Variants in MAPK11 observed in about 807,000 individuals in gnomAD.
MAPK11 encodes MAP kinase 11.
In MAPK11, 44 loss-of-function variants were observed where a neutral mutation model predicts 52.2. The ratio of observed to expected loss-of-function variants is 0.84; its 90% CI spans 0.66 to 1.08. The LOEUF (loss-of-function observed/expected upper bound fraction) is 1.08, where lower values mean the gene tolerates loss of function less well. Ranked by LOEUF, MAPK11 falls within the 50% of genes least tolerant of loss-of-function variation. MAPK11 has a pLI of 0.00. For synonymous variants in MAPK11, 233 were observed against 206.3 expected (o/e 1.13, Z -1.11); for missense variants, 436 against 494.7 (o/e 0.88, Z 1.13).
chr22:50,268,221 C>A (rs1258255824), intron 1 of MAPK11, among the ~76,000 whole-genome samples: 1 of 152,244 alleles, frequency 6.6e-6, no homozygotes, highest in Admixed American at 6.5e-5. Context: ...CTGATTCCCA[C>A]GCTCAACCAG....
At chr22:50,269,826 G>T (rs1198964170) in intron 1 of MAPK11, among the ~76,000 whole-genome samples, 1 of 152,206 alleles carries the variant, frequency 6.6e-6, no homozygotes, top group Non-Finnish European at 1.5e-5. Context: ...TGAATCTCAG[G>T]TGGGTGCTCA....
intron 2 of MAPK11, 46 bp downstream of exon 2, chr22:50,267,774 C>A: frequency 4.0e-6 from 6 of 1,488,126 alleles, no homozygotes; most frequent in Non-Finnish European, 4.5e-6. Flanking sequence ...GCGCCGCGGC[C>A]CCGCCCCCGC....
chr22:50,268,251 G>C (rs1196658236), intron 1 of MAPK11, among the ~76,000 whole-genome samples: 1 of 152,222 alleles, frequency 6.6e-6, no homozygotes, highest in Non-Finnish European at 1.5e-5. Flanking sequence ...TTCAAAGCAA[G>C]GCTGGGGGAG....
In MAPK11 at chr22:50,267,883, C is replaced by G; in HGVS notation, c.183G>C (p.Ser61=). 6.3e-7 allele frequency: 1 copy of G among 1,589,878 alleles called. No individual in the cohort carries two copies. Residue 61 remains serine, a synonymous_variant, in exon 2 of 12, where the codon TCG becomes TCC. Coordinates refer to ENST00000330651, the MANE Select transcript of MAPK11 (RefSeq NM_002751.7). ...GGTACGTTCTGCGCGCGTGGATCAG[C>G]GACTGGAAGGGGCGCGACAGCTTCT... ...AVKKLSRPFQ[S]LIHARRTYRE... is the part of the protein sequence containing the mutation.
chr22:50,265,619 C>T lies in MAPK11; in HGVS notation c.804G>A (p.Lys268=). Reference sequence around the variant, plus strand: ...CTCCACGGAAGATGCTGCTCAGGTCCTTCTGGGGCATGGGGGGCAGGGACT... The same window carrying T: ...CTCCACGGAAGATGCTGCTCAGGTCTTTCTGGGGCATGGGGGGCAGGGACT... The part of the protein sequence containing the change: ...YIQSLPPMPQ[K]DLSSIFRGAN... Residue 268 remains lysine (K), a synonymous_variant, in exon 10 of 12, where the codon AAG becomes AAA. Transcript: ENST00000330651. The T allele has an allele frequency of 6.2e-7, 1 of 1,607,412 alleles. No homozygotes were observed. Among genetic ancestry groups the T allele is most frequent in the East Asian group, 2.2e-5 (1 of 44,806 alleles).
Position 50,270,230 on chromosome 22 carries a change from C to G in MAPK11, c.63G>C (p.Pro21=), listed in dbSNP as rs768976781. ...CCGGGCGCAGCCCCTGCAGCCGCTG[C>G]GGCACCTCCCACACGGTCTTGTTCA... ...QELNKTVWEV[P]QRLQGLRPVG... Residue 21 remains proline, a synonymous_variant, in exon 1 of 12, where the codon CCG becomes CCC. Coordinates refer to ENST00000330651, the MANE Select transcript of MAPK11 (RefSeq NM_002751.7). The surrounding 1 kb of genome is among the most constrained non-coding windows in gnomAD (Gnocchi z 6.3). The G allele has an allele frequency of 1.2e-4, 183 of 1,507,828 alleles. No homozygotes were observed. The highest frequency in any genetic ancestry group is 1.5e-4 in the Non-Finnish European group (175 of 1,134,110). The allele number at this position is 1,507,828 out of a possible 1,614,324, so 93.4% of individuals were successfully genotyped here.
At position 50,270,105 on chromosome 22, in the gene MAPK11, G is replaced by C; in HGVS notation, c.116+72C>G. The stretch of plus-strand genomic sequence containing the variant: ...CCCCTCCCCACGCCGAGAACCTCGC[G>C]CGGGCGAGGAGGGGACGCGCTCTCC... On this transcript the variant is annotated intron_variant, in intron 1 of 11. Transcript: ENST00000330651. This position sits in a 1 kb window ranked among gnomAD's most constrained non-coding sequence, Gnocchi z 6.3. The C allele has an allele frequency of 1.4e-6, 1 of 732,566 alleles. No homozygotes were observed. Among genetic ancestry groups the C allele is most frequent in the South Asian group, 3.3e-5 (1 of 30,492 alleles). The allele number at this position is 732,566 out of a possible 1,614,324, so 45.4% of individuals were successfully genotyped here. A position where few individuals can be genotyped will look rare whatever the true frequency, so the allele number is the denominator to read the frequency against.
intron 9 of MAPK11, 26 bp downstream of exon 9, chr22:50,266,200 C>G: frequency 6.4e-7 from 1 of 1,551,778 alleles, no homozygotes; most frequent in Non-Finnish European, 8.7e-7. Context: ...GGAGAGGGAG[C>G]TGCTGGCTGG....
rs989404651 is a variant in MAPK11, at chr22:50,266,364, C to T, written c.683-59G>A. ...ACAGACCCCTCCTGGGCCCCCAGAC[C>T]CAAAACTTTGGGGCGCTGCCCAGAG... On this transcript the variant is annotated intron_variant, in intron 8 of 11. Coordinates refer to ENST00000330651, the MANE Select transcript of MAPK11 (RefSeq NM_002751.7). 19 of 1,534,878 alleles carry T rather than the reference C, an allele frequency of 1.2e-5. No homozygotes were observed. The Admixed American group carries it at 3.5e-4, about 28-fold the overall frequency.
intron 9 of MAPK11, among the ~76,000 whole-genome samples, chr22:50,265,871 C>T (rs1361890730): frequency 7.0e-6 from 1 of 143,156 alleles, no homozygotes; most frequent in Non-Finnish European, 1.5e-5. Flanking sequence ...TCCAAGTACA[C>T]TCCCTCCACC....
At position 50,265,631 on chromosome 22, in the gene MAPK11, G is replaced by A; in HGVS notation, c.792C>T (p.Pro264=). The A allele has an allele frequency of 1.2e-6, 2 of 1,600,294 alleles. No homozygotes were observed. Among genetic ancestry groups the A allele is most frequent in the South Asian group, 1.1e-5 (1 of 89,194 alleles). The change falls in exon 10 of 12, where the codon CCC becomes CCT. Residue 264 remains proline (P), a synonymous_variant. Transcript: ENST00000330651. The stretch of plus-strand genomic sequence containing the variant: ...TGCTGCTCAGGTCCTTCTGGGGCAT[G>A]GGGGGCAGGGACTGGATATATGTCC... ...HARTYIQSLP[P]MPQKDLSSIF...
rs201572582 is a variant in MAPK11 at position 50,267,004 on chromosome 22, G to A, written c.540C>T (p.Thr180=). 3.7e-5 allele frequency: 59 copies of A among 1,612,540 alleles called. No individual in the cohort carries two copies. Among genetic ancestry groups the A allele is most frequent in the East Asian group, 1.1e-4 (5 of 44,894 alleles). Residue 180 remains threonine, a synonymous_variant, in exon 7 of 12, where the codon ACC becomes ACT. Transcript: ENST00000330651. ...GLARQADEEM[T]GYVATRWYRA... is the part of the protein sequence containing the mutation. The stretch of plus-strand genomic sequence containing the variant: ...GGTACCAGCGCGTGGCCACATAGCC[G>A]GTCATCTCCTCGTCCGCCTGGCGCG...
Position 50,267,551 on chromosome 22 carries a change from G to A in MAPK11, c.305+18C>T. 1.9e-6 allele frequency: 3 copies of A among 1,539,456 alleles called. No individual in the cohort carries two copies. The highest frequency in any genetic ancestry group is 1.4e-5 in the African/African-American group (1 of 73,026). ...CCGCGAACGCGCTCCCCGCTGCCTC[G>A]CCCGCCCCGCCGCTCACACTTCGCT... On this transcript the variant is annotated intron_variant, in intron 3 of 11. Coordinates refer to ENST00000330651, the MANE Select transcript of MAPK11 (RefSeq NM_002751.7).
At chr22:50,265,766 C>CCAA in intron 9 of MAPK11, 106 bp from the exon 10 acceptor site, 1 of 703,990 alleles carries the variant, frequency 1.4e-6, no homozygotes, top group Non-Finnish European at 2.4e-6. Context: ...CTCCAACAGG[C>CCAA]CAGGACAAGG....
chr22:50,269,171 G>A (rs1004051220), intron 1 of MAPK11, among the ~76,000 whole-genome samples: 5 of 152,264 alleles, frequency 3.3e-5, no homozygotes, highest in East Asian at 3.9e-4. Flanking sequence ...TGCCCTTCAG[G>A]TCTCAAAGAG....
Position 50,266,545 on chromosome 22 carries a change from C to T in MAPK11, c.677G>A (p.Ser226Asn). The T allele has an allele frequency of 6.6e-7, 1 of 1,518,348 alleles. No homozygotes were observed. The highest frequency in any genetic ancestry group is 8.8e-7 in the Non-Finnish European group (1 of 1,134,504). 94.1% of individuals were successfully genotyped at this position (1,518,348 alleles called of 1,614,324 possible). The change falls in exon 8 of 12, where the codon AGC becomes AAC. Residue 226 changes from serine to asparagine, a missense_variant. Coordinates refer to ENST00000330651, the MANE Select transcript of MAPK11 (RefSeq NM_002751.7). ...LLQGKALFPG[S>N]DYIDQLKRIM... Reference sequence around the variant, plus strand: ...CCAACCTGGGCCAAGGATACAGTCGCTTCCCGGGAAGAGGGCCTTGCCCTG... The same window carrying T: ...CCAACCTGGGCCAAGGATACAGTCGTTTCCCGGGAAGAGGGCCTTGCCCTG...
intron 2 of MAPK11, 86 bp from the exon 3 acceptor site, chr22:50,267,713 G>A: frequency 2.8e-6 from 4 of 1,430,662 alleles, no homozygotes; most frequent in Non-Finnish European, 3.7e-6. Flanking sequence ...GTGCCAGGCC[G>A]CGCCCCCTGT....
chr22:50,265,858 G>T (rs1569147158), intron 9 of MAPK11, among the ~76,000 whole-genome samples, 198 bp from the exon 10 acceptor site: 1 of 152,034 alleles, frequency 6.6e-6, no homozygotes, highest in Non-Finnish European at 1.5e-5. Flanking sequence ...TGCAGGAGCT[G>T]GGTCCAAGTA....
intron 1 of MAPK11, among the ~76,000 whole-genome samples, chr22:50,268,812 T>C (rs1305002592): frequency 6.6e-6 from 1 of 152,194 alleles, no homozygotes; most frequent in Non-Finnish European, 1.5e-5. Flanking sequence ...CAGGAGCGGC[T>C]CCTGCTGGGT....
Sources: allele counts gnomAD v4.1 joint callset (sites outside exome capture counted in the v4.1 genomes callset), GRCh38; gene constraint gnomAD v4.1.1; non-coding constraint Gnocchi (gnomAD v3.1); transcripts MANE v1.5; gene names NCBI Gene and HGNC (gene_info 2026-07-23, HGNC 2026-07-21).